Variants in SLC17A2 observed in about 807,000 individuals in gnomAD.
The protein encoded by SLC17A2 is solute carrier family 17 member 2, also known as sodium-dependent phosphate transport protein 3.
In SLC17A2, 38 loss-of-function variants were observed where a neutral mutation model predicts 52.1. The observed-to-expected ratio is 0.73, with a 90% confidence interval of 0.56 to 0.96. SLC17A2 has a LOEUF of 0.96. SLC17A2 is among the 40% of genes least tolerant of loss of function. The pLI is 0.00. For missense variants in SLC17A2, 508 were observed against 583.9 expected, an observed-to-expected ratio of 0.87 and a Z score of 1.34; for synonymous variants, 226 against 211.9, an observed-to-expected ratio of 1.07 and a Z score of -0.58.
In SLC17A2 at chr6:25,923,757, C is replaced by T. The variant is rs1766647526; in HGVS notation, c.178G>A (p.Glu60Lys). The change falls in exon 3 of 12, where the codon GAG (glutamate) becomes AAG (lysine). Residue 60 changes from glutamate to lysine, a missense_variant. Physicochemically the swap from Glu to Lys is moderately conservative, Grantham distance 56. Transcript: ENST00000377850. Reference protein sequence around the residue: ...QQQGLSNASTEGPVADAFNNS... With the variant: ...QQQGLSNASTKGPVADAFNNS... ...TTGAAGGCATCTGCAACAGGCCCCTCAGTGGAGGCATTAGATAGACCTTGC... is the reference window on the plus strand; with the variant it reads ...TTGAAGGCATCTGCAACAGGCCCCTTAGTGGAGGCATTAGATAGACCTTGC... 1.2e-6 allele frequency: 2 copies of T among 1,614,046 alleles called. No homozygotes were observed. Among genetic ancestry groups the T allele is most frequent in the Non-Finnish European group, 8.5e-7 (1 of 1,180,040 alleles).
chr6:25,913,556 A>G lies in SLC17A2; in HGVS notation c.1303-105T>C, dbSNP rs889847824. ...TTGCAATGTTGATCACAAGGAATATAAGGAACAATGTGCAGTAGTTACTTA... is the reference window on the plus strand; with the variant it reads ...TTGCAATGTTGATCACAAGGAATATGAGGAACAATGTGCAGTAGTTACTTA... On this transcript the variant is annotated intron_variant, in intron 11 of 11. Coordinates refer to ENST00000377850, the MANE Select transcript of SLC17A2 (RefSeq NM_001286123.3). 4.4e-6 allele frequency: 5 copies of G among 1,132,212 alleles called. 1 individual carries two copies. In the South Asian group the frequency reaches 7.4e-5, roughly 17 times the overall value. The allele number at this position is 1,132,212 out of a possible 1,614,324, so 70.1% of individuals were successfully genotyped here.
intron 11 of SLC17A2, among the ~76,000 whole-genome samples, chr6:25,913,780 T>TTTG (rs10694405): frequency 0.41 from 60,667 of 149,430 alleles, 13,430 homozygotes; most frequent in African/African-American, 0.58. Flanking sequence ...TCTGTTTTTT[T>TTTG]TTGTTGTTGT....
rs1561874705 is a variant in SLC17A2 at position 25,915,870 on chromosome 6, T to C, written c.931-2A>G. On this transcript the variant is annotated splice_acceptor_variant, in intron 8 of 11. Coordinates refer to ENST00000377850, the MANE Select transcript of SLC17A2 (RefSeq NM_001286123.3). LOFTEE classifies it high-confidence loss of function. ...AGGCAGGGAGGACAGAACTCCACTCTGAAGGAAGGAAGTTTATACAGAGTA... is the reference window on the plus strand; with the variant it reads ...AGGCAGGGAGGACAGAACTCCACTCCGAAGGAAGGAAGTTTATACAGAGTA... 8.1e-6 allele frequency: 13 copies of C among 1,613,156 alleles called. No homozygotes were observed. Among genetic ancestry groups the C allele is most frequent in the Non-Finnish European group, 1.0e-5 (12 of 1,179,722 alleles).
chr6:25,924,917 C>T (rs1329933445), intron 2 of SLC17A2, among the ~76,000 whole-genome samples: 1 of 152,012 alleles, frequency 6.6e-6, no homozygotes, highest in African/African-American at 2.4e-5. Flanking sequence ...TCTTTAAAAG[C>T]ATCCCCATAA....
intron 11 of SLC17A2, among the ~76,000 whole-genome samples, chr6:25,913,784 T>TTGTTGC (rs1766193922): frequency 1.3e-5 from 2 of 149,858 alleles, no homozygotes; most frequent in African/African-American, 2.5e-5. Context: ...TTTTTTTTTG[T>TTGTTGC]TGTTGTTGTT....
At chr6:25,917,227 T>C in intron 6 of SLC17A2, 140 bp from the exon 7 acceptor site, 2 of 668,064 alleles carry the variant, frequency 3.0e-6, no homozygotes, top group Non-Finnish European at 5.3e-6. Context: ...AATGTTCCCA[T>C]TCTTTCTTTC....
chr6:25,917,898 C>A (rs950724419), intron 6 of SLC17A2, among the ~76,000 whole-genome samples: 3 of 152,150 alleles, frequency 2.0e-5, no homozygotes, highest in African/African-American at 7.2e-5. Flanking sequence ...TTGCCTCAAG[C>A]ATTTCACAGT....
rs138988221 is a variant in SLC17A2, at chr6:25,921,335, C to T, written c.318G>A (p.Leu106=). 2.0e-5 allele frequency: 33 copies of T among 1,613,966 alleles called. No homozygotes were observed. In the African/African-American group the frequency reaches 3.7e-4, roughly 18 times the overall value. The part of the protein sequence containing the change: ...SSINYGIILT[L]IPSGYLAGIF... The stretch of plus-strand genomic sequence containing the variant: ...TCCCTGCTAAATATCCACTTGGGAT[C>T]AGAGTCAGTATTATCCCATAGTTGA... The change falls in exon 4 of 12, where the codon CTG becomes CTA. Residue 106 remains leucine, a synonymous_variant. Coordinates refer to ENST00000377850, the MANE Select transcript of SLC17A2 (RefSeq NM_001286123.3).
At chr6:25,924,852 C>G (rs192524567) in intron 2 of SLC17A2, among the ~76,000 whole-genome samples, 7 of 151,684 alleles carry the variant, frequency 4.6e-5, no homozygotes, top group South Asian at 2.1e-4. Flanking sequence ...TTTTACAAAG[C>G]TTGCAGGTGA....
chr6:25,927,826 A>C (rs1480708223), intron 1 of SLC17A2, among the ~76,000 whole-genome samples: 1 of 152,178 alleles, frequency 6.6e-6, no homozygotes, highest in Non-Finnish European at 1.5e-5. Context: ...TCTGCCTTAG[A>C]AGGCCTCCAA....
intron 5 of SLC17A2, among the ~76,000 whole-genome samples, chr6:25,919,429 C>T (rs182405407): frequency 7.2e-5 from 11 of 151,874 alleles, no homozygotes; most frequent in African/African-American, 1.2e-4. Context: ...AAGTTTTGGC[C>T]GGGCGCGGTG....
chr6:25,917,476 C>T (rs983560612), intron 6 of SLC17A2, among the ~76,000 whole-genome samples: 2 of 152,202 alleles, frequency 1.3e-5, no homozygotes, highest in African/African-American at 4.8e-5. Flanking sequence ...CATACATACA[C>T]GAAACAACCT....
At chr6:25,925,637 G>C (rs778369755) in intron 2 of SLC17A2, 132 bp downstream of exon 2, 1 of 855,594 alleles carries the variant, frequency 1.2e-6, no homozygotes, top group African/African-American at 1.7e-5. Context: ...ACAGGATCAG[G>C]GGCTGGAGCT....
chr6:25,914,460 T>C, intron 11 of SLC17A2, 120 bp downstream of exon 11: 2 of 682,512 alleles, frequency 2.9e-6, no homozygotes, highest in South Asian at 3.5e-5. Context: ...CAGAGTCTGA[T>C]TTAGAGGCTC....
rs1236082122 is a variant in SLC17A2, at chr6:25,915,904, G to A, written c.931-36C>T. On this transcript the variant is annotated intron_variant, in intron 8 of 11. Coordinates refer to ENST00000377850, the MANE Select transcript of SLC17A2 (RefSeq NM_001286123.3). ...GAAGTTTATACAGAGTAGTTATAGA[G>A]ATACGTTAGCACCAAAATTTGTCAG... 3.1e-6 allele frequency: 5 copies of A among 1,597,438 alleles called. No homozygotes were observed. The Admixed American group carries it at 6.9e-5, about 22-fold the overall frequency.
chr6:25,921,726 A>T (rs57493525), intron 3 of SLC17A2, among the ~76,000 whole-genome samples: 3,847 of 152,302 alleles, frequency 0.025, 114 homozygotes, highest in African/African-American at 0.072. Flanking sequence ...TTTTGCTTCT[A>T]GTAAAAGTTG....
At chr6:25,924,094 A>G (rs1766664572) in intron 2 of SLC17A2, among the ~76,000 whole-genome samples, 188 bp from the exon 3 acceptor site, 1 of 152,168 alleles carries the variant, frequency 6.6e-6, no homozygotes. Context: ...GACAGCGAAT[A>G]TGGGATCTTA....
In SLC17A2 at chr6:25,923,726, G is replaced by A. The variant is rs1394476548; in HGVS notation, c.209C>T (p.Ser70Phe). The change falls in exon 3 of 12, where the codon TCC (serine) becomes TTC (phenylalanine). Residue 70 changes from serine to phenylalanine, a missense_variant. Physicochemically the swap from Ser to Phe is radical, Grantham distance 155. Transcript: ENST00000377850. ...ATCAAATTCCTTGATGGATATGCTG[G>A]AGTTATTGAAGGCATCTGCAACAGG... ...EGPVADAFNN[S>F]SISIKEFDTK... 15 of 1,613,954 alleles carry A rather than the reference G, an allele frequency of 9.3e-6. No homozygotes were observed. The highest frequency in any genetic ancestry group is 1.1e-5 in the Non-Finnish European group (13 of 1,180,000).
At chr6:25,921,472 A>G (rs1009927399) in intron 3 of SLC17A2, 60 bp from the exon 4 acceptor site, 1 of 1,254,012 alleles carries the variant, frequency 8.0e-7, no homozygotes, top group East Asian at 2.4e-5. Flanking sequence ...TCTACTTTAC[A>G]GTCAGAGTTG....
Sources: allele counts gnomAD v4.1 joint callset (sites outside exome capture counted in the v4.1 genomes callset), GRCh38; gene constraint gnomAD v4.1.1; transcripts MANE v1.5; gene names NCBI Gene and HGNC (gene_info 2026-07-23, HGNC 2026-07-21).